The following IDUA variants were observed in gnomAD, a reference collection of about 807,000 sequenced individuals.
IDUA encodes alpha-L-iduronidase.
A neutral mutation model predicts 68.9 loss-of-function variants in IDUA; 65 were observed. That is an observed-to-expected ratio of 0.94 (90% CI 0.77 to 1.16). The LOEUF (loss-of-function observed/expected upper bound fraction) is 1.16. Ranked by LOEUF, IDUA falls within the 50% of genes most tolerant of loss-of-function variation. IDUA has a pLI of 0.00. For missense variants in IDUA, 1,046 were observed against 938.0 expected, an observed-to-expected ratio of 1.12 and a Z score of -1.50; for synonymous variants, 529 against 433.6, an observed-to-expected ratio of 1.22 and a Z score of -2.73.
chr4:998,100 C>A (rs754980430), intron 2 of IDUA, among the ~76,000 whole-genome samples: 2 of 152,224 alleles, frequency 1.3e-5, no homozygotes, highest in Non-Finnish European at 2.9e-5. Context: ...TTCTTTGCTA[C>A]CAGTGTGTCC....
In IDUA at chr4:990,239, C is replaced by T. The variant is rs367665258; in HGVS notation, c.299+2290C>T. 2.1e-5 allele frequency: 33 copies of T among 1,580,376 alleles called. No homozygotes were observed. Among genetic ancestry groups the T allele is most frequent in the East Asian group, 4.6e-5 (2 of 43,576 alleles). On this transcript the variant is annotated intron_variant, in intron 2 of 13. Coordinates refer to ENST00000514224, the MANE Select transcript of IDUA (RefSeq NM_000203.5). ...GGCCCCTGGTGCCGCGGGATCCGCA[C>T]GCCCAGCAGGTGTTTGAGCTGCGAG... is the stretch of plus-strand genomic sequence containing the variant.
Position 1,000,620 on chromosome 4 carries a change from C to T in IDUA, c.308C>T (p.Thr103Ile). ...TGACCGTCCTTCTGCAGGGGGTCCA[C>T]TGGACGGGGCCTGAGCTACAACTTC... Reference protein sequence around the residue: ...LLELVTTRGSTGRGLSYNFTH... With the variant: ...LLELVTTRGSIGRGLSYNFTH... The change falls in exon 3 of 14, where the codon ACT becomes ATT. Residue 103 changes from threonine (T) to isoleucine (I), a missense_variant. Transcript: ENST00000514224. The T allele has an allele frequency of 2.5e-6, 4 of 1,612,400 alleles. No individual in the cohort carries two copies. Among genetic ancestry groups the T allele is most frequent in the Non-Finnish European group, 3.4e-6 (4 of 1,179,514 alleles).
At position 1,002,275 on chromosome 4, in the gene IDUA, G is replaced by C. The variant is rs199801029; in HGVS notation, c.979G>C (p.Ala327Pro). ...TYAAMVVKVI[A>P]QHQNLLLANT... ...CTGCCCTGGACACCCGCAGGTCATC[G>C]CGCAGCATCAGAACCTGCTACTGGC... Residue 327 changes from alanine to proline, a missense_variant, in exon 8 of 14, where the codon GCG becomes CCG. By Grantham distance (27) the Ala-to-Pro change is conservative (BLOSUM62 -1). Transcript: ENST00000514224. The C allele has an allele frequency of 1.4e-4, 220 of 1,610,950 alleles. No individual in the cohort carries two copies. Among genetic ancestry groups the C allele is most frequent in the Non-Finnish European group, 1.8e-4 (214 of 1,178,974 alleles).
intron 2 of IDUA, among the ~76,000 whole-genome samples, chr4:996,212 T>C (rs1041855796): frequency 1.3e-5 from 2 of 152,220 alleles, no homozygotes; most frequent in South Asian, 2.1e-4. Context: ...TAAGAAGCGG[T>C]TGGCCAGTGG....
intron 1 of IDUA, among the ~76,000 whole-genome samples, chr4:987,471 C>T (rs1380766208): frequency 6.6e-6 from 1 of 152,220 alleles, no homozygotes; most frequent in Non-Finnish European, 1.5e-5. Flanking sequence ...GGATCCTGCT[C>T]TTTGAGGTAA....
rs1360168258 is a variant in IDUA, at chr4:1,001,974, G to A, written c.793-8G>A. On this transcript the variant is annotated splice_region_variant and splice_polypyrimidine_tract_variant and intron_variant, in intron 6 of 13. Coordinates refer to ENST00000514224, the MANE Select transcript of IDUA (RefSeq NM_000203.5). ...ACCCTGGTGGTGCTGAGGCGGCCCC[G>A]CCCGCAGGGTGCGCGCAGCTCCATC... is the stretch of plus-strand genomic sequence containing the variant. 15 of 1,577,662 alleles carry A rather than the reference G, an allele frequency of 9.5e-6. No individual in the cohort carries two copies. The East Asian group carries it at 3.0e-4, about 31-fold the overall frequency.
Position 991,123 on chromosome 4 carries a change from C to T in IDUA, c.299+3174C>T. 3.3e-6 allele frequency: 5 copies of T among 1,532,554 alleles called. No individual in the cohort carries two copies. In the South Asian group the frequency reaches 6.4e-5, roughly 20 times the overall value. The allele number at this position is 1,532,554 out of a possible 1,614,324, so 94.9% of individuals were successfully genotyped here. On this transcript the variant is annotated intron_variant, in intron 2 of 13. Transcript: ENST00000514224. ...CCCTCCCTGTGCCCAAGCAGGGCTCCTCACCTGGTAAAGCCCGGTCATCAG... is the reference window on the plus strand; with the variant it reads ...CCCTCCCTGTGCCCAAGCAGGGCTCTTCACCTGGTAAAGCCCGGTCATCAG...
rs1336975176 is a variant in IDUA at position 987,215 on chromosome 4, G to C, written c.131G>C (p.Arg44Pro). 1 of 1,492,262 alleles carries C rather than the reference G, an allele frequency of 6.7e-7. No homozygotes were observed. The highest frequency in any genetic ancestry group is 8.9e-7 in the Non-Finnish European group (1 of 1,128,204). 92.4% of individuals were successfully genotyped at this position (1,492,262 alleles called of 1,614,324 possible). Residue 44 changes from arginine to proline, a missense_variant, in exon 1 of 14, where the codon CGG becomes CCG. Transcript: ENST00000514224. ...VDAARALWPL[R>P]RFWRSTGFCP... ...GCGGCCCGCGCGCTGTGGCCCCTGC[G>C]GCGCTTCTGGAGGAGCACAGGCTTC...
intron 4 of IDUA, 149 bp downstream of exon 4, chr4:1,001,138 G>C (rs1715047263): frequency 3.0e-6 from 2 of 673,864 alleles, no homozygotes; most frequent in African/African-American, 1.8e-5. Context: ...ACAAGGGATA[G>C]GTTGGTGGTC....
chr4:990,465 C>G, intron 2 of IDUA: 1 of 1,144,516 alleles, frequency 8.7e-7, no homozygotes, highest in South Asian at 1.6e-5. Context: ...GGCACAGGAC[C>G]TGACAATTCT....
At chr4:989,710 CA>C in intron 2 of IDUA, 4 of 1,558,946 alleles carry the variant, frequency 2.6e-6, no homozygotes, top group Non-Finnish European at 3.5e-6. Flanking sequence ...CTGTGTCCGG[CA>C]GCCAGTGGCT....
intron 1 of IDUA, 66 bp downstream of exon 1, chr4:987,308 C>A: frequency 1.4e-6 from 2 of 1,406,134 alleles, no homozygotes; most frequent in Non-Finnish European, 1.9e-6. Flanking sequence ...CCCCTGACTG[C>A]GCACTGTGAG....
rs1231384581 is a variant in IDUA, at chr4:1,003,591, G to A, written c.1693G>A (p.Val565Ile). 2 of 1,612,422 alleles carry A rather than the reference G, an allele frequency of 1.2e-6. No individual in the cohort carries two copies. The highest frequency in any genetic ancestry group is 1.7e-6 in the Non-Finnish European group (2 of 1,179,816). The change falls in exon 12 of 14, where the codon GTT becomes ATT. Residue 565 changes from valine (V) to isoleucine (I), a missense_variant. Coordinates refer to ENST00000514224, the MANE Select transcript of IDUA (RefSeq NM_000203.5). ...CCTGCCCCTGACCCAAGGGCAGCTG[G>A]TTCTGGTCTGGTCGGATGAACACGT... Reference protein sequence around the residue: ...RALPLTQGQLVLVWSDEHVGS... With the variant: ...RALPLTQGQLILVWSDEHVGS...
Position 988,064 on chromosome 4 carries a change from C to A in IDUA, c.299+115C>A, listed in dbSNP as rs550476824. ...TGTTCCCCCACCTCCCGCCGAAGCA[C>A]CCTGTTGGGGAGAGCGTGTCCTTGC... On this transcript the variant is annotated intron_variant, in intron 2 of 13. Coordinates refer to ENST00000514224, the MANE Select transcript of IDUA (RefSeq NM_000203.5). 1.6e-5 allele frequency: 24 copies of A among 1,472,610 alleles called. No homozygotes were observed. The South Asian group carries it at 2.8e-4, about 17-fold the overall frequency. 91.2% of individuals were successfully genotyped at this position (1,472,610 alleles called of 1,614,324 possible).
rs2153023250 is a variant in IDUA, at chr4:1,004,242, A to G, written c.1829-18A>G. ...TGGGGGCAGGTTCCGGTTGGCACAC[A>G]TGTCCCCTTGTCTCCAGACACAGGT... On this transcript the variant is annotated intron_variant, in intron 13 of 13. Transcript: ENST00000514224. The surrounding 1 kb of genome is among the most constrained non-coding windows in gnomAD (Gnocchi z 5.0). The G allele has an allele frequency of 1.9e-6, 3 of 1,609,484 alleles. No homozygotes were observed. Among genetic ancestry groups the G allele is most frequent in the East Asian group, 2.2e-5 (1 of 44,848 alleles).
chr4:999,003 A>G (rs111823514), intron 2 of IDUA, among the ~76,000 whole-genome samples: 2,302 of 152,078 alleles, frequency 0.015, 28 homozygotes, highest in East Asian at 0.032. Flanking sequence ...AGGAAATGGA[A>G]ACCATCCTGG....
At position 987,126 on chromosome 4, in the gene IDUA, G is replaced by C. The variant is rs1021970063; in HGVS notation, c.42G>C (p.Leu14=). ...CCCGCGCCGCGCTGCTGGCGCTCCT[G>C]GCCTCGCTCCTGGCCGCGCCCCCGG... The part of the protein sequence containing the change: ...LRPRAALLAL[L]ASLLAAPPVA... Residue 14 remains leucine, a synonymous_variant, in exon 1 of 14, where the codon CTG becomes CTC. Coordinates refer to ENST00000514224, the MANE Select transcript of IDUA (RefSeq NM_000203.5). 83 of 1,440,224 alleles carry C rather than the reference G, an allele frequency of 5.8e-5. No homozygotes were observed. Among genetic ancestry groups the C allele is most frequent in the Non-Finnish European group, 7.4e-5 (82 of 1,101,496 alleles). 89.2% of individuals were successfully genotyped at this position (1,440,224 alleles called of 1,614,324 possible). A position where few individuals can be genotyped will look rare whatever the true frequency, so the allele number is the denominator to read the frequency against.
chr4:1,002,990 G>T, intron 9 of IDUA, 46 bp downstream of exon 9: 2 of 1,419,484 alleles, frequency 1.4e-6, no homozygotes, highest in Non-Finnish European at 1.8e-6. Context: ...TGGGGCTCTG[G>T]AGGGGGCGGC....
chr4:1,003,571 C>A lies in IDUA; in HGVS notation c.1673C>A (p.Pro558His), dbSNP rs759777644. The A allele has an allele frequency of 1.2e-6, 2 of 1,612,362 alleles. No individual in the cohort carries two copies. Among genetic ancestry groups the A allele is most frequent in the Admixed American group, 1.7e-5 (1 of 60,016 alleles). The change falls in exon 12 of 14, where the codon CCC (proline) becomes CAC (histidine). Residue 558 changes from proline to histidine, a missense_variant. Pro to His is a moderately conservative substitution (Grantham distance 77, BLOSUM62 -2). Transcript: ENST00000514224. ...CAGGTCACGCGGCTCCGCGCCCTGC[C>A]CCTGACCCAAGGGCAGCTGGTTCTG... is the stretch of plus-strand genomic sequence containing the variant. ...PGQVTRLRAL[P>H]LTQGQLVLVW...
Sources: gnomAD v4.1 joint callset for allele counts (sites outside exome capture counted in the v4.1 genomes callset) on GRCh38, gnomAD v4.1.1 for gene constraint, Gnocchi (gnomAD v3.1) non-coding constraint, MANE v1.5 for transcripts, NCBI Gene and HGNC (gene_info 2026-07-23, HGNC 2026-07-21) for gene names.